Variants in EDIL3 observed in about 807,000 individuals in gnomAD.
EDIL3 encodes the protein EGF like and discoidin domains 3.
Under a neutral mutation model 67.4 loss-of-function variants are expected in EDIL3, and 37 were observed. That is an observed-to-expected ratio of 0.55 (90% CI 0.42 to 0.72). The LOEUF is 0.72. Ranked by LOEUF, EDIL3 falls within the 30% of genes least tolerant of loss-of-function variation. EDIL3 has a pLI of 0.00. For missense variants in EDIL3, 527 were observed against 586.3 expected (o/e 0.90, Z 1.04); for synonymous variants, 195 against 196.3 (o/e 0.99, Z 0.05).
At chr5:83,958,509 T>TA (rs1369824198) in intron 10 of EDIL3, among the ~76,000 whole-genome samples, 2 of 151,498 alleles carry the variant, frequency 1.3e-5, no homozygotes, top group Non-Finnish European at 3.0e-5. Context: ...CTTTTCAACT[T>TA]ATGCTTTTAC....
chr5:84,074,281 G>A (rs1324545297), intron 6 of EDIL3, among the ~76,000 whole-genome samples: 4 of 149,704 alleles, frequency 2.7e-5, no homozygotes, highest in Non-Finnish European at 4.4e-5. Context: ...TCAGGACATA[G>A]GCATGGGCAA....
intron 1 of EDIL3, among the ~76,000 whole-genome samples, chr5:84,272,752 G>T (rs959619649): frequency 1.3e-5 from 2 of 152,158 alleles, no homozygotes; most frequent in Admixed American, 1.3e-4. Context: ...AATTTAGACA[G>T]CTGGAGAGAA....
At chr5:83,996,770 T>C (rs2112165074) in intron 9 of EDIL3, among the ~76,000 whole-genome samples, 1 of 152,228 alleles carries the variant, frequency 6.6e-6, no homozygotes, top group South Asian at 2.1e-4. Flanking sequence ...CTAGAAAAGG[T>C]GATATGTGAC....
At chr5:84,025,375 A>G (rs532423577) in intron 9 of EDIL3, among the ~76,000 whole-genome samples, 2 of 152,118 alleles carry the variant, frequency 1.3e-5, no homozygotes, top group Non-Finnish European at 2.9e-5. Flanking sequence ...CTCCTGTCAG[A>G]TCAGCAGATC....
chr5:84,019,549 TA>T (rs995100867), intron 9 of EDIL3, among the ~76,000 whole-genome samples: 92 of 151,274 alleles, frequency 6.1e-4, no homozygotes, highest in Non-Finnish European at 1.2e-3. Flanking sequence ...ATAATAAAAA[TA>T]AAAAAATAAA....
chr5:84,001,534 T>C (rs73144002), intron 9 of EDIL3, among the ~76,000 whole-genome samples: 1 of 151,860 alleles, frequency 6.6e-6, no homozygotes. Flanking sequence ...CTACAAACTT[T>C]TAGCCTTACT....
At chr5:84,294,168 G>C (rs2112122192) in intron 1 of EDIL3, among the ~76,000 whole-genome samples, 1 of 150,494 alleles carries the variant, frequency 6.6e-6, no homozygotes, top group African/African-American at 2.5e-5. Context: ...TGGATCACGA[G>C]GTCAGGAGAT....
intron 3 of EDIL3, among the ~76,000 whole-genome samples, chr5:84,219,898 AG>A (rs1287359999): frequency 6.6e-6 from 1 of 152,102 alleles, no homozygotes; most frequent in Non-Finnish European, 1.5e-5. Context: ...ACTTATTTAC[AG>A]GAGCACTTAT....
At chr5:84,122,513 A>C (rs1747794574) in intron 5 of EDIL3, among the ~76,000 whole-genome samples, 3 of 151,836 alleles carry the variant, frequency 2.0e-5, no homozygotes, top group Admixed American at 6.6e-5. Flanking sequence ...CCTCATGGAG[A>C]GTATCTTTAT....
chr5:84,220,936 C>CT (rs56158713), intron 3 of EDIL3, among the ~76,000 whole-genome samples: 73,353 of 151,798 alleles, frequency 0.48, 17,745 homozygotes, highest in African/African-American at 0.52. Context: ...GATAAATTTT[C>CT]GCCACAGAAG....
intron 3 of EDIL3, among the ~76,000 whole-genome samples, chr5:84,208,310 C>G (rs1344681578): frequency 2.6e-5 from 4 of 152,286 alleles, no homozygotes; most frequent in African/African-American, 9.6e-5. Context: ...CTCATCATCC[C>G]TGGCCATCAG....
intron 4 of EDIL3, among the ~76,000 whole-genome samples, chr5:84,154,750 A>T (rs1748460944): frequency 6.9e-6 from 1 of 145,280 alleles, no homozygotes. Context: ...CCCAGGCTGA[A>T]GTGCTGTGGC....
At chr5:84,032,157 A>T (rs1192246328) in intron 9 of EDIL3, among the ~76,000 whole-genome samples, 1 of 152,216 alleles carries the variant, frequency 6.6e-6, no homozygotes, top group Non-Finnish European at 1.5e-5. Flanking sequence ...CTCCAGTAAG[A>T]TCAATTAACA....
intron 3 of EDIL3, among the ~76,000 whole-genome samples, chr5:84,225,853 T>A (rs1363414039): frequency 6.6e-6 from 1 of 151,588 alleles, no homozygotes; most frequent in Non-Finnish European, 1.5e-5. Context: ...GAACTTACAT[T>A]TTTAGATAAG....
At chr5:84,293,985 T>A (rs753099994) in intron 1 of EDIL3, among the ~76,000 whole-genome samples, 3 of 151,980 alleles carry the variant, frequency 2.0e-5, no homozygotes, top group African/African-American at 4.8e-5. Flanking sequence ...AATGTTTATA[T>A]AAAATACATG....
At chr5:84,079,548 T>C (rs1157397097) in intron 6 of EDIL3, among the ~76,000 whole-genome samples, 1 of 147,376 alleles carries the variant, frequency 6.8e-6, no homozygotes. Flanking sequence ...GAGTAGGAAA[T>C]TTTTTTTTTT....
Position 83,969,165 on chromosome 5 carries a change from A to G in EDIL3, c.1138-5805T>C, listed in dbSNP as rs570998094. On this transcript the variant is annotated intron_variant, in intron 9 of 10. Coordinates refer to ENST00000296591, the MANE Select transcript of EDIL3 (RefSeq NM_005711.5). The stretch of plus-strand genomic sequence containing the variant: ...TTATTAAAATATTTTTATATTGTCT[A>G]TTTTCAATATATATGTACTTATTTA... Among the ~76,000 whole-genome samples the G allele has an allele frequency of 4.6e-5, 7 of 151,710 alleles. 1 individual carries two copies. The highest frequency in any genetic ancestry group is 1.7e-4 in the African/African-American group (7 of 41,494).
Position 83,948,596 on chromosome 5 carries a change from AT to A in EDIL3, c.1294-5029del, listed in dbSNP as rs201101131. 6.9e-3 allele frequency among the ~76,000 whole-genome samples: 1,040 copies of A among 151,632 alleles called. 12 individuals carry two copies. Among genetic ancestry groups the A allele is most frequent in the African/African-American group, 0.024 (986 of 41,458 alleles). Reference sequence around the variant, plus strand: ...TATATGCAAGCATTCCAAAAATCAAATTTTTTTTATTAAAAAGGAAAAAAAT... The same window carrying A: ...TATATGCAAGCATTCCAAAAATCAAATTTTTTTATTAAAAAGGAAAAAAAT... On this transcript the variant is annotated intron_variant, in intron 10 of 10. Transcript: ENST00000296591.
intron 3 of EDIL3, among the ~76,000 whole-genome samples, chr5:84,206,058 A>G (rs1282850724): frequency 6.6e-6 from 1 of 151,492 alleles, no homozygotes; most frequent in Non-Finnish European, 1.5e-5. Context: ...TTAGTGCTAT[A>G]AATTTCCCTC....
Sources: gnomAD v4.1 joint callset for allele counts (sites outside exome capture counted in the v4.1 genomes callset) on GRCh38, gnomAD v4.1.1 for gene constraint, MANE v1.5 for transcripts, NCBI Gene and HGNC (gene_info 2026-07-23, HGNC 2026-07-21) for gene names.